Variants in ZSWIM6 observed in about 807,000 individuals in gnomAD.
ZSWIM6 encodes zinc finger SWIM-type containing 6, also known as zinc finger SWIM domain-containing protein 6.
In ZSWIM6, 9 loss-of-function variants were observed where a neutral mutation model predicts 113.2. The observed-to-expected ratio is 0.08, with a 90% CI of 0.05 to 0.14. The LOEUF (loss-of-function observed/expected upper bound fraction) is 0.14, where lower values mean the gene tolerates loss of function less well. Among genes scored for constraint, ZSWIM6 ranks in the 10% least tolerant of loss-of-function variants. The pLI is 1.00. For missense variants in ZSWIM6, 1,162 were observed against 1,552.2 expected, an observed-to-expected ratio of 0.75 and a Z score of 4.22; for synonymous variants, 611 against 606.5, an observed-to-expected ratio of 1.01 and a Z score of -0.11.
chr5:61,509,694 G>A (rs375973300), intron 4 of ZSWIM6, among the ~76,000 whole-genome samples: 1 of 152,080 alleles, frequency 6.6e-6, no homozygotes, highest in African/African-American at 2.4e-5. Context: ...TTTAAAAGTC[G>A]CTTATTGAAA....
chr5:61,405,356 G>A (rs188325789), intron 1 of ZSWIM6, among the ~76,000 whole-genome samples: 7 of 152,284 alleles, frequency 4.6e-5, no homozygotes, highest in African/African-American at 1.7e-4. Context: ...GTAGTGGCCT[G>A]TCTAATGGAG....
At chr5:61,419,347 T>G (rs899043488) in intron 1 of ZSWIM6, among the ~76,000 whole-genome samples, 1 of 152,240 alleles carries the variant, frequency 6.6e-6, no homozygotes, top group Non-Finnish European at 1.5e-5. Context: ...GTTGATGGTA[T>G]CACATCCATT....
chr5:61,411,177 C>A (rs1408334409), intron 1 of ZSWIM6, among the ~76,000 whole-genome samples: 1 of 152,134 alleles, frequency 6.6e-6, no homozygotes, highest in African/African-American at 2.4e-5. Context: ...GGTTTCCTTT[C>A]TTTGTTTTTG....
intron 1 of ZSWIM6, among the ~76,000 whole-genome samples, chr5:61,341,438 T>G (rs766043523): frequency 4.6e-5 from 7 of 152,228 alleles, no homozygotes; most frequent in Non-Finnish European, 8.8e-5. Context: ...TTTAGAAGTT[T>G]GGTGATGTTT....
chr5:61,354,188 T>A (rs1744850225), intron 1 of ZSWIM6, among the ~76,000 whole-genome samples: 1 of 152,236 alleles, frequency 6.6e-6, no homozygotes, highest in Non-Finnish European at 1.5e-5. Context: ...ATTAACTGCC[T>A]GCGTGTTCAA....
chr5:61,513,152 G>GC (rs1413980268), intron 4 of ZSWIM6, among the ~76,000 whole-genome samples: 2 of 151,718 alleles, frequency 1.3e-5, no homozygotes, highest in African/African-American at 4.8e-5. Context: ...CAAACTCCTG[G>GC]CTACCACTGT....
intron 5 of ZSWIM6, among the ~76,000 whole-genome samples, chr5:61,522,378 T>A (rs1296479536): frequency 1.3e-5 from 2 of 152,196 alleles, no homozygotes; most frequent in East Asian, 1.9e-4. Context: ...AAGGTGGGAA[T>A]TAAATAACAT....
At chr5:61,337,279 C>CT (rs913584784) in intron 1 of ZSWIM6, among the ~76,000 whole-genome samples, 7 of 147,634 alleles carry the variant, frequency 4.7e-5, no homozygotes, top group African/African-American at 1.7e-4. Context: ...ATTCCGTCTC[C>CT]CCCCCCAAAA....
At chr5:61,508,973 A>G (rs920233714) in intron 4 of ZSWIM6, among the ~76,000 whole-genome samples, 2 of 152,180 alleles carry the variant, frequency 1.3e-5, no homozygotes, top group African/African-American at 4.8e-5. Flanking sequence ...GTTTTAGAGT[A>G]GTTTTTATTA....
rs552410867 is a variant in ZSWIM6 at position 61,512,413 on chromosome 5, G to A, written c.1334-8850G>A. The stretch of plus-strand genomic sequence containing the variant: ...CCTGTCTTTCACATTTACAAATTAA[G>A]CAGCTATAAACATTCTTGTACAAGT... On this transcript the variant is annotated intron_variant, in intron 4 of 13. Coordinates refer to ENST00000252744, the MANE Select transcript of ZSWIM6 (RefSeq NM_020928.2). Among the ~76,000 whole-genome samples, 20 of 152,206 alleles carry A rather than the reference G, an allele frequency of 1.3e-4. No individual in the cohort carries two copies. The Middle Eastern group carries it at 0.01, about 78-fold the overall frequency.
chr5:61,441,171 T>G lies in ZSWIM6; in HGVS notation c.677-31510T>G, dbSNP rs547312864. Among the ~76,000 whole-genome samples the G allele has an allele frequency of 1.4e-3, 211 of 152,326 alleles. 1 individual carries two copies. The highest frequency in any genetic ancestry group is 2.1e-3 in the Non-Finnish European group (144 of 68,042). On this transcript the variant is annotated intron_variant, in intron 1 of 13. Transcript: ENST00000252744. The stretch of plus-strand genomic sequence containing the variant: ...AGATAATCTACATGAGATTATATTA[T>G]GTATAAAAATTAAAATCTCCGGCAG...
At chr5:61,457,552 A>G (rs1257110175) in intron 1 of ZSWIM6, among the ~76,000 whole-genome samples, 4 of 151,190 alleles carry the variant, frequency 2.6e-5, no homozygotes, top group Non-Finnish European at 5.9e-5. Flanking sequence ...ACAGAGTTTC[A>G]CTCTTGTTGC....
chr5:61,404,104 T>G (rs1384335163), intron 1 of ZSWIM6, among the ~76,000 whole-genome samples: 1 of 150,528 alleles, frequency 6.6e-6, no homozygotes, highest in Non-Finnish European at 1.5e-5. Context: ...GCCTCCCGGG[T>G]TCACTCCATT....
intron 1 of ZSWIM6, among the ~76,000 whole-genome samples, chr5:61,421,680 T>C (rs1746357701): frequency 6.6e-6 from 1 of 152,242 alleles, no homozygotes; most frequent in African/African-American, 2.4e-5. Flanking sequence ...CTTCTTTGTG[T>C]CCATGAGTTC....
chr5:61,476,264 A>G (rs1448371429), intron 2 of ZSWIM6, among the ~76,000 whole-genome samples: 1 of 152,124 alleles, frequency 6.6e-6, no homozygotes, highest in Non-Finnish European at 1.5e-5. Context: ...TTTCAAGCCT[A>G]TTTCACACAC....
At position 61,539,648 on chromosome 5, in the gene ZSWIM6, C is replaced by T. The variant is rs376877914; in HGVS notation, c.2592C>T (p.His864=). Residue 864 remains histidine, a synonymous_variant, in exon 12 of 14, where the codon CAC becomes CAT. Transcript: ENST00000252744. The part of the protein sequence containing the change: ...TVLESIQKNI[H]SSSHIFKLAQ... ...TAGAATCCATCCAGAAAAACATTCA[C>T]TCCTCATCACACATCTTCAAGCTTG... is the stretch of plus-strand genomic sequence containing the variant. The T allele has an allele frequency of 1.2e-5, 18 of 1,551,932 alleles. No homozygotes were observed. Among genetic ancestry groups the T allele is most frequent in the Middle Eastern group, 1.7e-4 (1 of 6,018 alleles).
intron 1 of ZSWIM6, among the ~76,000 whole-genome samples, chr5:61,453,692 C>T (rs1452585487): frequency 6.6e-6 from 1 of 151,650 alleles, no homozygotes; most frequent in Non-Finnish European, 1.5e-5. Flanking sequence ...ACTCTCTTAG[C>T]ATTTTTCAAG....
chr5:61,416,862 A>C (rs1249420502), intron 1 of ZSWIM6, among the ~76,000 whole-genome samples: 3 of 152,248 alleles, frequency 2.0e-5, no homozygotes, highest in African/African-American at 7.2e-5. Context: ...AAGGCCGGGC[A>C]CAGTGGCTAC....
At chr5:61,470,737 C>T (rs1179569938) in intron 1 of ZSWIM6, among the ~76,000 whole-genome samples, 2 of 152,036 alleles carry the variant, frequency 1.3e-5, no homozygotes, top group Non-Finnish European at 2.9e-5. Flanking sequence ...CTCAAAATTT[C>T]TTATCGTGAA....
Sources: gnomAD v4.1 joint callset for allele counts (sites outside exome capture counted in the v4.1 genomes callset) on GRCh38, gnomAD v4.1.1 for gene constraint, MANE v1.5 for transcripts, NCBI Gene and HGNC (gene_info 2026-07-23, HGNC 2026-07-21) for gene names.